ZFHX3: variants seen among roughly 807,000 people sequenced by gnomAD.
The protein encoded by ZFHX3 is zinc finger homeobox protein 3.
ZFHX3 carries 42 observed loss-of-function variants against 279.1 expected under a neutral mutation model. The ratio of observed to expected loss-of-function variants is 0.15; its 90% CI spans 0.12 to 0.19. ZFHX3 has a LOEUF of 0.19. ZFHX3 is among the 10% of genes least tolerant of loss of function. The pLI is 1.00. For missense variants in ZFHX3, 4,981 were observed against 4,754.0 expected, an observed-to-expected ratio of 1.05 and a Z score of -1.40; for synonymous variants, 2,293 against 1,957.8, an observed-to-expected ratio of 1.17 and a Z score of -4.52.
chr16:73,433,977 G>A (rs866807620), intron 3 of ZFHX3, among the ~76,000 whole-genome samples: 1 of 152,172 alleles, frequency 6.6e-6, no homozygotes, highest in Non-Finnish European at 1.5e-5. Flanking sequence ...TTATTGACTT[G>A]CGTGTCCCTT....
In ZFHX3 at chr16:73,888,273, C is replaced by G. The variant is rs540791753; in HGVS notation, c.-1608+3378G>C. Among the ~76,000 whole-genome samples, 189 of 152,274 alleles carry G rather than the reference C, an allele frequency of 1.2e-3. 1 individual carries two copies. Among genetic ancestry groups the G allele is most frequent in the Non-Finnish European group, 2.3e-3 (154 of 68,026 alleles). ...AGCAGCGGTAACGGCATAAATTGTG[C>G]TCATTCATTCATTATCCTTTTTCCC... On this transcript the variant is annotated intron_variant, in intron 1 of 17. Transcript: ENST00000641206.
In ZFHX3 at chr16:72,958,978, G is replaced by A; in HGVS notation, c.1168C>T (p.Pro390Ser). The change falls in exon 2 of 10, where the codon CCC becomes TCC. Residue 390 changes from proline (P) to serine (S), a missense_variant. By Grantham distance (74) the Pro-to-Ser change is moderately conservative. Around this residue, in one of 7 missense-constraint regions of ZFHX3, gnomAD observed 1,068 missense variants for 935.2 expected, o/e 1.14. Transcript: ENST00000268489. ...PAGSAAGPEQ[P>S]QAGLLTPSTL... ...CTGGGGGTCAAGAGACCAGCCTGGGGCTGCTCGGGGCCAGCGGCGGAGCCC... is the reference window on the plus strand; with the variant it reads ...CTGGGGGTCAAGAGACCAGCCTGGGACTGCTCGGGGCCAGCGGCGGAGCCC... The A allele has an allele frequency of 1.2e-6, 2 of 1,604,738 alleles. No individual in the cohort carries two copies. Among genetic ancestry groups the A allele is most frequent in the Admixed American group, 1.7e-5 (1 of 58,716 alleles).
chr16:72,924,254 T>C (rs1959317999), intron 3 of ZFHX3, among the ~76,000 whole-genome samples: 1 of 152,194 alleles, frequency 6.6e-6, no homozygotes, highest in South Asian at 2.1e-4. Flanking sequence ...CCCTCCTTGT[T>C]CCCTGCAACC....
At chr16:73,473,358 C>CAAAAAAAAA (rs1300049292) in intron 2 of ZFHX3, among the ~76,000 whole-genome samples, 1 of 43,164 alleles carries the variant, frequency 2.3e-5, no homozygotes, top group African/African-American at 7.9e-5. Context: ...AAAAAAAAAA[C>CAAAAAAAAA]AAAAAAAAAA....
At chr16:73,337,895 G>GGGGC (rs1555510895) in intron 3 of ZFHX3, among the ~76,000 whole-genome samples, 3 of 144,932 alleles carry the variant, frequency 2.1e-5, no homozygotes, top group Non-Finnish European at 4.6e-5. Context: ...CCCTTGGCGG[G>GGGGC]GGGGGGGGTC....
intron 1 of ZFHX3, among the ~76,000 whole-genome samples, chr16:73,000,926 C>T (rs1963472255): frequency 6.6e-6 from 1 of 152,194 alleles, no homozygotes. Context: ...CTTGAACAAA[C>T]TGTCGCCTCA....
chr16:73,113,793 C>CTTT (rs71391487), intron 7 of ZFHX3, among the ~76,000 whole-genome samples: 1,510 of 102,986 alleles, frequency 0.015, 85 homozygotes, highest in Middle Eastern at 0.05. Flanking sequence ...TTTTTGGAAA[C>CTTT]TTTTTTTTTT....
intron 1 of ZFHX3, among the ~76,000 whole-genome samples, chr16:73,019,829 A>C (rs1045388011): frequency 6.6e-6 from 1 of 152,122 alleles, no homozygotes; most frequent in African/African-American, 2.4e-5. Context: ...CCATCTGCCC[A>C]CAACTGGAAC....
chr16:73,346,183 C>T (rs537957053), intron 3 of ZFHX3, among the ~76,000 whole-genome samples: 14 of 152,256 alleles, frequency 9.2e-5, no homozygotes, highest in Middle Eastern at 6.8e-3. Flanking sequence ...GATGCCCAGA[C>T]AAAGTGTGAT....
intron 3 of ZFHX3, among the ~76,000 whole-genome samples, chr16:72,898,036 G>C (rs2038940965): frequency 6.6e-6 from 1 of 152,210 alleles, no homozygotes; most frequent in Non-Finnish European, 1.5e-5. Flanking sequence ...GCAACCAGGA[G>C]TGGGGGAGGT....
At chr16:73,814,059 T>C (rs1428983111) in intron 1 of ZFHX3, among the ~76,000 whole-genome samples, 10 of 152,246 alleles carry the variant, frequency 6.6e-5, no homozygotes, top group Admixed American at 6.5e-4. Flanking sequence ...GCCCAGTTAT[T>C]TCTCTTTGCA....
rs139824914 is a variant in ZFHX3, at chr16:72,872,933, T to A, written c.3448+16798A>T. Among the ~76,000 whole-genome samples the A allele has an allele frequency of 9.2e-5, 14 of 152,324 alleles. No homozygotes were observed. In the East Asian group the frequency reaches 2.7e-3, roughly 29 times the overall value. On this transcript the variant is annotated intron_variant, in intron 4 of 9. Transcript: ENST00000268489. ...TAGGCAGAATGGCCTGCTCATTGGC[T>A]CCCGACCAGAGTCCTGAACTCCCAC... is the stretch of plus-strand genomic sequence containing the variant.
chr16:73,258,656 A>T (rs1263191049), intron 4 of ZFHX3, among the ~76,000 whole-genome samples: 1 of 152,188 alleles, frequency 6.6e-6, no homozygotes, highest in Non-Finnish European at 1.5e-5. Context: ...CCACTATGAC[A>T]TATTTTAAGC....
chr16:73,235,713 C>T (rs1017079663), intron 5 of ZFHX3, among the ~76,000 whole-genome samples: 1 of 151,896 alleles, frequency 6.6e-6, no homozygotes, highest in Non-Finnish European at 1.5e-5. Flanking sequence ...CGCTCTGTCG[C>T]CCATGCTGGA....
chr16:73,171,169 C>CA (rs1597200795), intron 5 of ZFHX3, among the ~76,000 whole-genome samples: 1 of 151,882 alleles, frequency 6.6e-6, no homozygotes. Flanking sequence ...TTCATCCCCC[C>CA]AAAAAAGCCC....
chr16:73,588,181 A>G (rs900427911), intron 2 of ZFHX3, among the ~76,000 whole-genome samples: 4 of 152,194 alleles, frequency 2.6e-5, no homozygotes, highest in Non-Finnish European at 5.9e-5. Context: ...AAGAATCACA[A>G]CAAATTAGCA....
At chr16:73,645,610 G>C (rs532203594) in intron 2 of ZFHX3, among the ~76,000 whole-genome samples, 19 of 152,114 alleles carry the variant, frequency 1.2e-4, no homozygotes, top group Non-Finnish European at 2.6e-4. Context: ...ATGATGAGAG[G>C]ATTATACATA....
chr16:73,036,634 C>T (rs1964916981), intron 1 of ZFHX3, among the ~76,000 whole-genome samples: 6 of 150,754 alleles, frequency 4.0e-5, no homozygotes, highest in Admixed American at 3.3e-4. Context: ...GGAGAGGGGC[C>T]GGCAGGAGAG....
intron 2 of ZFHX3, among the ~76,000 whole-genome samples, chr16:73,617,680 G>A (rs937473503): frequency 6.7e-6 from 1 of 149,828 alleles, no homozygotes. Context: ...TTAGGACTGT[G>A]TTTACAGGAG....
Sources: gnomAD v4.1 joint callset for allele counts (sites outside exome capture counted in the v4.1 genomes callset) on GRCh38, gnomAD v4.1.1 for gene constraint, gnomAD v4.1.1 regional missense constraint, MANE v1.5 for transcripts, NCBI Gene and HGNC (gene_info 2026-07-23, HGNC 2026-07-21) for gene names.